The following WIPF2 variants were observed in gnomAD, a reference collection of about 807,000 sequenced individuals.
WIPF2 encodes WAS/WASL interacting protein family member 2.
A neutral mutation model predicts 38.8 loss-of-function variants in WIPF2; 23 were observed. The ratio of observed to expected loss-of-function variants is 0.59; its 90% confidence interval spans 0.43 to 0.84. The LOEUF (loss-of-function observed/expected upper bound fraction) is 0.84, where lower values mean the gene tolerates loss of function less well. Ranked by LOEUF, WIPF2 falls within the 40% of genes least tolerant of loss-of-function variation. The pLI is 0.00. For missense variants in WIPF2, 574 were observed against 580.5 expected, an observed-to-expected ratio of 0.99 and a Z score of 0.11; for synonymous variants, 210 against 223.2, an observed-to-expected ratio of 0.94 and a Z score of 0.53.
intron 1 of WIPF2, among the ~76,000 whole-genome samples, chr17:40,255,966 T>C (rs1387609666): frequency 1.3e-5 from 2 of 151,822 alleles, no homozygotes; most frequent in Non-Finnish European, 2.9e-5. Flanking sequence ...ATGACATGCA[T>C]GCTTGTAGTC....
At chr17:40,233,531 C>T (rs980105492) in intron 1 of WIPF2, among the ~76,000 whole-genome samples, 4 of 150,868 alleles carry the variant, frequency 2.7e-5, no homozygotes, top group African/African-American at 9.8e-5. Flanking sequence ...GCTGTGTTGT[C>T]CAGGATGGCA....
chr17:40,220,365 C>T (rs1166922027), intron 1 of WIPF2: 2 of 151,348 alleles, frequency 1.3e-5, no homozygotes. Context: ...AGCATTGAGG[C>T]AAGGAACTGA....
intron 1 of WIPF2, among the ~76,000 whole-genome samples, chr17:40,242,232 T>C (rs543536553): frequency 6.6e-6 from 1 of 152,192 alleles, no homozygotes; most frequent in African/African-American, 2.4e-5. Flanking sequence ...ATAAAACGAT[T>C]AGCTGGATGT....
intron 1 of WIPF2, among the ~76,000 whole-genome samples, chr17:40,235,010 C>CT (rs1250991780): frequency 6.6e-6 from 1 of 152,036 alleles, no homozygotes; most frequent in Non-Finnish European, 1.5e-5. Flanking sequence ...GCTCTGCCTC[C>CT]TGGGTTCACG....
chr17:40,226,434 CTCGAACTCCTGACCTCGCGA>C (rs1187748635), intron 1 of WIPF2, among the ~76,000 whole-genome samples: 1 of 150,830 alleles, frequency 6.6e-6, no homozygotes, highest in Non-Finnish European at 1.5e-5. Flanking sequence ...CCAGACTGGT[CTCGAACTCCTGACCTCGCGA>C]TCCGCCCACC....
intron 5 of WIPF2, among the ~76,000 whole-genome samples, chr17:40,271,192 T>G (rs915563308): frequency 1.3e-5 from 2 of 152,168 alleles, no homozygotes; most frequent in African/African-American, 4.8e-5. Flanking sequence ...CCCAGGCTGA[T>G]CTCGAACTCC....
intron 4 of WIPF2, among the ~76,000 whole-genome samples, chr17:40,264,112 C>T (rs1307454613): frequency 6.6e-6 from 1 of 151,778 alleles, no homozygotes; most frequent in African/African-American, 2.4e-5. Flanking sequence ...GTGGGCAGAT[C>T]ACCTGAGGTT....
Position 40,264,727 on chromosome 17 carries a change from G to A in WIPF2, c.551G>A (p.Arg184Gln), listed in dbSNP as rs750571602. The A allele has an allele frequency of 8.8e-6, 14 of 1,595,150 alleles. No homozygotes were observed. The highest frequency in any genetic ancestry group is 6.9e-5 in the Admixed American group (4 of 57,862). ...SSAPPPPPPG[R>Q]RANAPPTPLP... Reference sequence around the variant, plus strand: ...GCCCCTCCCCCACCACCCCCAGGGCGGCGTGCCAACGCACCCCCCACACCT... The same window carrying A: ...GCCCCTCCCCCACCACCCCCAGGGCAGCGTGCCAACGCACCCCCCACACCT... Residue 184 changes from arginine (R) to glutamine (Q), a missense_variant, in exon 5 of 8, where the codon CGG (arginine) becomes CAG (glutamine). By Grantham distance (43) the Arg-to-Gln change is conservative. Transcript: ENST00000323571.
intron 1 of WIPF2, among the ~76,000 whole-genome samples, chr17:40,225,878 C>T (rs952639170): frequency 6.6e-6 from 1 of 152,068 alleles, no homozygotes; most frequent in African/African-American, 2.4e-5. Context: ...TGGTCTTGAA[C>T]TTTTGCCGGC....
At chr17:40,224,432 A>G (rs2030394888) in intron 1 of WIPF2, among the ~76,000 whole-genome samples, 1 of 121,840 alleles carries the variant, frequency 8.2e-6, no homozygotes. Context: ...TTTTTGTAGT[A>G]GAGACGGGGT....
At chr17:40,274,578 A>AG (rs2032336304) in intron 6 of WIPF2, among the ~76,000 whole-genome samples, 3 of 148,542 alleles carry the variant, frequency 2.0e-5, no homozygotes, top group African/African-American at 4.9e-5. Context: ...AAAAAAAAAA[A>AG]AAAAAAAAAA....
Position 40,236,343 on chromosome 17 carries a change from T to A in WIPF2, c.-70+16851T>A, listed in dbSNP as rs200194374. 9.3e-5 allele frequency among the ~76,000 whole-genome samples: 14 copies of A among 151,304 alleles called. No homozygotes were observed. In the East Asian group the frequency reaches 2.7e-3, roughly 29 times the overall value. ...GCCCTTGCTTTGTGGTCTTCTAACC[T>A]TTTTTTTTCTTTTGAGACAGAGAAT... On this transcript the variant is annotated intron_variant, in intron 1 of 7. Coordinates refer to ENST00000323571, the MANE Select transcript of WIPF2 (RefSeq NM_133264.5).
chr17:40,241,845 G>C (rs1598476445), intron 1 of WIPF2, among the ~76,000 whole-genome samples: 1 of 152,116 alleles, frequency 6.6e-6, no homozygotes, highest in South Asian at 2.1e-4. Context: ...AAAAAGGGTT[G>C]TATCTTTTGC....
intron 1 of WIPF2, among the ~76,000 whole-genome samples, chr17:40,220,955 T>G (rs1374192188): frequency 1.3e-5 from 2 of 151,688 alleles, no homozygotes; most frequent in African/African-American, 4.8e-5. Context: ...TTTTTTTGAA[T>G]TTTTAGTAGA....
At chr17:40,229,782 A>G (rs1366225905) in intron 1 of WIPF2, among the ~76,000 whole-genome samples, 2 of 152,174 alleles carry the variant, frequency 1.3e-5, no homozygotes, top group Non-Finnish European at 2.9e-5. Flanking sequence ...GAGACAGCTA[A>G]TGGTTAGCCC....
chr17:40,252,579 G>A (rs895887058), intron 1 of WIPF2, among the ~76,000 whole-genome samples: 4 of 151,540 alleles, frequency 2.6e-5, no homozygotes, highest in African/African-American at 4.8e-5. Context: ...CAGGAGAATC[G>A]CTTGAACCTG....
At chr17:40,231,564 C>T (rs915614360) in intron 1 of WIPF2, among the ~76,000 whole-genome samples, 1 of 151,718 alleles carries the variant, frequency 6.6e-6, no homozygotes, top group African/African-American at 2.4e-5. Flanking sequence ...GCTGGGATTA[C>T]AGGTGCCCGC....
intron 1 of WIPF2, among the ~76,000 whole-genome samples, chr17:40,236,416 G>A (rs1281291045): frequency 1.3e-5 from 2 of 151,698 alleles, no homozygotes; most frequent in Admixed American, 6.6e-5. Context: ...TTGGCTCACT[G>A]CAACCTCCAC....
In WIPF2 at chr17:40,283,569, C is replaced by T. The variant is rs1442607421; in HGVS notation, c.*5344C>T. The T allele has an allele frequency of 6.6e-6, 1 of 152,162 alleles. No homozygotes were observed. The highest frequency in any genetic ancestry group is 2.4e-5 in the African/African-American group (1 of 41,428). 9.4% of individuals were successfully genotyped at this position (152,162 alleles called of 1,614,324 possible). A position where few individuals can be genotyped will look rare whatever the true frequency, so the allele number is the denominator to read the frequency against. On this transcript the variant is annotated 3_prime_UTR_variant, in exon 8 of 8. Transcript: ENST00000323571. Reference sequence around the variant, plus strand: ...GCCAGTCCTTATTTTATATTTCCACCTAACTCCCCTTTGCCCACGATTTCA... The same window carrying T: ...GCCAGTCCTTATTTTATATTTCCACTTAACTCCCCTTTGCCCACGATTTCA...
Sources: gnomAD v4.1 joint callset for allele counts (sites outside exome capture counted in the v4.1 genomes callset) on GRCh38, gnomAD v4.1.1 for gene constraint, MANE v1.5 for transcripts, NCBI Gene and HGNC (gene_info 2026-07-23, HGNC 2026-07-21) for gene names.